PREX1: variants seen among roughly 807,000 people sequenced by gnomAD.
PREX1 encodes the protein phosphatidylinositol-3,4,5-trisphosphate dependent Rac exchange factor 1.
Under a neutral mutation model 198.3 loss-of-function variants are expected in PREX1, and 41 were observed. That is an observed-to-expected ratio of 0.21 (90% CI 0.16 to 0.27). The LOEUF (loss-of-function observed/expected upper bound fraction) is 0.27, where lower values mean the gene tolerates loss of function less well. Ranked by LOEUF, PREX1 falls within the 10% of genes least tolerant of loss-of-function variation. The pLI is 1.00. For missense variants in PREX1, 1,620 were observed against 2,200.7 expected, an observed-to-expected ratio of 0.74 and a Z score of 5.28; for synonymous variants, 843 against 887.2, an observed-to-expected ratio of 0.95 and a Z score of 0.89.
chr20:48,679,479 T>C (rs1890751958), intron 12 of PREX1, 70 bp from the exon 13 acceptor site: 9 of 1,509,648 alleles, frequency 6.0e-6, no homozygotes, highest in Admixed American at 3.4e-5. Flanking sequence ...TCCAGGCTGA[T>C]GGGAGAGATG....
rs1308210812 is a variant in PREX1 at position 48,726,360 on chromosome 20, G to A, written c.551C>T (p.Thr184Met). The change falls in exon 5 of 40, where the codon ACG becomes ATG. Residue 184 changes from threonine (T) to methionine (M), a missense_variant. This residue lies in a region of PREX1 where 488 missense variants were observed against 802.5 expected (regional missense o/e 0.61). Transcript: ENST00000371941. Reference protein sequence around the residue: ...SCMLLGGRKTTDIPLEGYLLS... With the variant: ...SCMLLGGRKTMDIPLEGYLLS... ...CAGGTAGCCTTCCAAAGGGATGTCC[G>A]TGGTCTTCCGGCCTCCCAGAAGCAT... The A allele has an allele frequency of 1.7e-5, 27 of 1,613,520 alleles. No homozygotes were observed. The highest frequency in any genetic ancestry group is 2.2e-5 in the Non-Finnish European group (26 of 1,179,842).
In PREX1 at chr20:48,657,015, G is replaced by A. The variant is rs138901974; in HGVS notation, c.2123+25C>T. Reference sequence around the variant, plus strand: ...ACTCAGCCTGAGAGGGAGGGCTGCCGGACACCCCGCCCTGGGACACTCACT... The same window carrying A: ...ACTCAGCCTGAGAGGGAGGGCTGCCAGACACCCCGCCCTGGGACACTCACT... On this transcript the variant is annotated intron_variant, in intron 18 of 39. Transcript: ENST00000371941. 799 of 1,564,008 alleles carry A rather than the reference G, an allele frequency of 5.1e-4. 1 individual carries two copies. Among genetic ancestry groups the A allele is most frequent in the Non-Finnish European group, 6.4e-4 (736 of 1,154,198 alleles).
intron 5 of PREX1, among the ~76,000 whole-genome samples, chr20:48,708,707 G>A (rs376639389): frequency 1.4e-4 from 21 of 152,234 alleles, no homozygotes; most frequent in South Asian, 1.0e-3. Flanking sequence ...CAGAGGCCCT[G>A]GACAGAGCAA....
upstream of PREX1, among the ~76,000 whole-genome samples, chr20:48,830,017 G>T (rs776853621): frequency 2.0e-5 from 3 of 152,048 alleles, no homozygotes; most frequent in Non-Finnish European, 2.9e-5. Flanking sequence ...ACATTTAGCC[G>T]CGTCCCCTAC....
At chr20:48,879,277 A>G in the PREX1 span, among the ~76,000 whole-genome samples, 1 of 152,246 alleles carries the variant, frequency 6.6e-6, no homozygotes, top group African/African-American at 2.4e-5. Flanking sequence ...TTCCATACAC[A>G]TATTTAAATC....
intron 1 of PREX1, among the ~76,000 whole-genome samples, chr20:48,826,889 G>A (rs756435147): frequency 2.6e-5 from 4 of 152,124 alleles, no homozygotes; most frequent in Non-Finnish European, 5.9e-5. Context: ...AAAAATGGGG[G>A]AAATACTCGT....
the PREX1 span, among the ~76,000 whole-genome samples, chr20:48,833,009 A>C: frequency 1.2e-4 from 19 of 152,326 alleles, no homozygotes; most frequent in South Asian, 2.9e-3. Flanking sequence ...TCTCAGCTTC[A>C]AATCCCAGTC....
At chr20:48,885,170 C>T in the PREX1 span, among the ~76,000 whole-genome samples, 2 of 152,142 alleles carry the variant, frequency 1.3e-5, no homozygotes, top group Non-Finnish European at 2.9e-5. Context: ...CTAATACTAG[C>T]CACTATCATC....
chr20:48,628,176 C>T (rs529127588), intron 37 of PREX1, among the ~76,000 whole-genome samples: 1 of 152,316 alleles, frequency 6.6e-6, no homozygotes, highest in African/African-American at 2.4e-5. Flanking sequence ...CCCTCACTGG[C>T]AGGCACTCTG....
chr20:48,808,770 C>A (rs1410950929), intron 1 of PREX1, among the ~76,000 whole-genome samples: 1 of 152,232 alleles, frequency 6.6e-6, no homozygotes, highest in African/African-American at 2.4e-5. Flanking sequence ...CATTGCTCTG[C>A]CCCTGGCCAT....
upstream of PREX1, among the ~76,000 whole-genome samples, chr20:48,830,906 G>A (rs543781395): frequency 4.6e-5 from 7 of 152,334 alleles, no homozygotes; most frequent in Admixed American, 6.5e-5. Flanking sequence ...TGGATTGAGT[G>A]CTGAATCTAA....
At chr20:48,803,465 C>A (rs948290240) in intron 1 of PREX1, among the ~76,000 whole-genome samples, 1 of 152,050 alleles carries the variant, frequency 6.6e-6, no homozygotes, top group Non-Finnish European at 1.5e-5. Context: ...GAGTGAGAGC[C>A]AGGAGTATTT....
At chr20:48,681,148 A>T (rs2089746712) in intron 11 of PREX1, 87 bp downstream of exon 11, 1 of 1,129,424 alleles carries the variant, frequency 8.9e-7, no homozygotes, top group African/African-American at 1.5e-5. Flanking sequence ...AAAGGATAGG[A>T]GCTGCCTGAG....
At chr20:48,802,861 C>T (rs1217204845) in intron 1 of PREX1, among the ~76,000 whole-genome samples, 5 of 152,222 alleles carry the variant, frequency 3.3e-5, no homozygotes, top group Admixed American at 2.6e-4. Flanking sequence ...GAAGCCAGGC[C>T]GTTCTGCGAG....
intron 1 of PREX1, among the ~76,000 whole-genome samples, chr20:48,768,153 C>G (rs1260379164): frequency 6.6e-6 from 1 of 152,158 alleles, no homozygotes; most frequent in Non-Finnish European, 1.5e-5. Context: ...GTATGTAACA[C>G]AGAGTAAAAG....
chr20:48,632,126 A>T, intron 35 of PREX1, 151 bp downstream of exon 35: 1 of 731,526 alleles, frequency 1.4e-6, no homozygotes, highest in Non-Finnish European at 2.3e-6. Context: ...AATCTCACGC[A>T]GGCAAGAGTG....
intron 1 of PREX1, among the ~76,000 whole-genome samples, chr20:48,766,341 A>G (rs1212505911): frequency 6.6e-6 from 1 of 152,136 alleles, no homozygotes. Flanking sequence ...GGAGTGACAC[A>G]AAGGGATCGT....
the PREX1 span, among the ~76,000 whole-genome samples, chr20:48,847,593 CTT>C: frequency 6.6e-6 from 1 of 152,144 alleles, no homozygotes; most frequent in South Asian, 2.1e-4. Flanking sequence ...ATAAAACACT[CTT>C]AACTTGTCAG....
chr20:48,701,868 G>A lies in PREX1; in HGVS notation c.784-982C>T, dbSNP rs556675722. 1.1e-3 allele frequency among the ~76,000 whole-genome samples: 175 copies of A among 152,302 alleles called. 1 individual carries two copies. The highest frequency in any genetic ancestry group is 1.7e-3 in the Non-Finnish European group (114 of 68,030). On this transcript the variant is annotated intron_variant, in intron 6 of 39. Transcript: ENST00000371941. ...GAATGTCAGTGAGGTTCCGGGCAGC[G>A]TGGCTGGGAAAGGCATCAGGGAGGA...
Sources: gnomAD v4.1 joint callset for allele counts (sites outside exome capture counted in the v4.1 genomes callset) on GRCh38, gnomAD v4.1.1 for gene constraint, gnomAD v4.1.1 regional missense constraint, MANE v1.5 for transcripts, NCBI Gene and HGNC (gene_info 2026-07-23, HGNC 2026-07-21) for gene names.